The following ITGA8 variants were observed in gnomAD, a reference collection of about 807,000 sequenced individuals.
ITGA8 encodes integrin alpha-8.
In ITGA8, 91 loss-of-function variants were observed where a neutral mutation model predicts 142.3. The observed-to-expected ratio is 0.64, with a 90% CI of 0.54 to 0.76. The LOEUF (loss-of-function observed/expected upper bound fraction) is 0.76. Among genes scored for constraint, ITGA8 ranks in the 30% least tolerant of loss-of-function variants. The probability of loss-of-function intolerance (pLI) is 0.00; values close to 1 mark genes in which losing one functional copy is unlikely to be tolerated. For synonymous variants in ITGA8, 505 were observed against 485.2 expected, an observed-to-expected ratio of 1.04 and a Z score of -0.54; for missense variants, 1,406 against 1,327.7, an observed-to-expected ratio of 1.06 and a Z score of -0.92.
intron 27 of ITGA8, among the ~76,000 whole-genome samples, chr10:15,544,289 C>A (rs1360244307): frequency 2.6e-5 from 4 of 151,068 alleles, no homozygotes; most frequent in Non-Finnish European, 5.9e-5. Context: ...CATAGTGAGA[C>A]CCTGTCTCTA....
intron 19 of ITGA8, among the ~76,000 whole-genome samples, chr10:15,605,164 C>T (rs747064275): frequency 6.6e-6 from 1 of 152,138 alleles, no homozygotes; most frequent in Non-Finnish European, 1.5e-5. Flanking sequence ...CTTCCCATAA[C>T]AGAATACAGT....
At chr10:15,536,192 T>G (rs1833432925) in intron 27 of ITGA8, among the ~76,000 whole-genome samples, 1 of 152,126 alleles carries the variant, frequency 6.6e-6, no homozygotes, top group Admixed American at 6.5e-5. Context: ...CCGGGCACAG[T>G]AAGATAAGCA....
intron 26 of ITGA8, among the ~76,000 whole-genome samples, chr10:15,550,283 G>T (rs914570971): frequency 2.6e-5 from 4 of 152,094 alleles, no homozygotes; most frequent in African/African-American, 9.7e-5. Context: ...AAATAACCCA[G>T]TCTCGGGTAT....
intron 2 of ITGA8, among the ~76,000 whole-genome samples, chr10:15,691,963 G>C (rs111957957): frequency 6.6e-6 from 1 of 152,082 alleles, no homozygotes; most frequent in Non-Finnish European, 1.5e-5. Flanking sequence ...TTGAGACAGG[G>C]TCTCACTCTG....
intron 25 of ITGA8, among the ~76,000 whole-genome samples, chr10:15,570,525 G>A (rs776893566): frequency 1.3e-5 from 2 of 149,124 alleles, no homozygotes; most frequent in Non-Finnish European, 3.0e-5. Flanking sequence ...CAGGAGAATT[G>A]CTTGAACACA....
At chr10:15,583,088 A>C (rs900441915) in intron 23 of ITGA8, among the ~76,000 whole-genome samples, 8 of 152,228 alleles carry the variant, frequency 5.3e-5, no homozygotes, top group Non-Finnish European at 7.3e-5. Context: ...AAAAGAAACC[A>C]TCATAGCAAA....
chr10:15,635,808 A>T (rs1372649639), intron 13 of ITGA8, among the ~76,000 whole-genome samples: 1 of 152,158 alleles, frequency 6.6e-6, no homozygotes, highest in Non-Finnish European at 1.5e-5. Flanking sequence ...AGTTCAACTG[A>T]ACTTCAAATT....
At chr10:15,640,457 ATTGT>A (rs1338448694) in intron 13 of ITGA8, among the ~76,000 whole-genome samples, 3 of 152,234 alleles carry the variant, frequency 2.0e-5, no homozygotes, top group African/African-American at 7.2e-5. Flanking sequence ...AGTGAAAGAA[ATTGT>A]TTATCTTTTT....
chr10:15,517,028 T>A lies in ITGA8; in HGVS notation c.*130A>T. ...AAGTGCGGTGTAGATGAGGTGATGT[T>A]TCCAGGGTCCCCTCCATTTCCTGGG... is the stretch of plus-strand genomic sequence containing the variant. On this transcript the variant is annotated 3_prime_UTR_variant, in exon 30 of 30. Coordinates refer to ENST00000378076, the MANE Select transcript of ITGA8 (RefSeq NM_003638.3). 3.9e-6 allele frequency: 2 copies of A among 512,968 alleles called. No individual in the cohort carries two copies. The highest frequency in any genetic ancestry group is 6.5e-6 in the Non-Finnish European group (2 of 308,796). 31.8% of individuals were successfully genotyped at this position (512,968 alleles called of 1,614,324 possible).
rs535320558 is a variant in ITGA8, at chr10:15,666,481, TC to T, written c.847+5121del. Among the ~76,000 whole-genome samples, 11 of 152,300 alleles carry T rather than the reference TC, an allele frequency of 7.2e-5. No individual in the cohort carries two copies. The South Asian group carries it at 2.3e-3, about 32-fold the overall frequency. ...ATCTGCAAACAGGGACAATTTGACT[TC>T]CTCTTTTCCTAATTGAATACTCTTT... On this transcript the variant is annotated intron_variant, in intron 8 of 29. Transcript: ENST00000378076.
intron 2 of ITGA8, among the ~76,000 whole-genome samples, chr10:15,692,405 C>G (rs1834953402): frequency 6.6e-6 from 1 of 152,312 alleles, no homozygotes; most frequent in South Asian, 2.1e-4. Flanking sequence ...TTAAGATTTG[C>G]ATTTCAGAGG....
intron 27 of ITGA8, among the ~76,000 whole-genome samples, chr10:15,542,650 A>T (rs1056573577): frequency 6.6e-6 from 1 of 152,202 alleles, no homozygotes. Context: ...TGTTATAGTA[A>T]TCTTTAGTTC....
intron 11 of ITGA8, 63 bp from the exon 12 acceptor site, chr10:15,647,114 T>G: frequency 8.2e-7 from 1 of 1,212,248 alleles, no homozygotes; most frequent in Non-Finnish European, 1.2e-6. Context: ...TTGGGTTATT[T>G]GTAATCAACT....
chr10:15,654,571 G>C (rs1160297605), intron 11 of ITGA8, among the ~76,000 whole-genome samples: 1 of 152,164 alleles, frequency 6.6e-6, no homozygotes, highest in East Asian at 1.9e-4. Flanking sequence ...CAAAAGTATA[G>C]CTAAAGTGCT....
intron 23 of ITGA8, among the ~76,000 whole-genome samples, chr10:15,579,495 A>C (rs1258619901): frequency 6.6e-6 from 1 of 152,066 alleles, no homozygotes; most frequent in Non-Finnish European, 1.5e-5. Flanking sequence ...TTTTAAATTT[A>C]TTTTGGAATT....
chr10:15,592,239 A>G lies in ITGA8; in HGVS notation c.2277T>C (p.Asp759=). The change falls in exon 22 of 30, where the codon GAT becomes GAC. Residue 759 remains aspartate, a synonymous_variant. Transcript: ENST00000378076. ...AAAGGTCTAACCTTCTGATTTGGAG[A>G]TCGAAGTTAATGCTCATGTTTGTTT... ...LEKTNMSINF[D]LQIRSSNKDN... 1 of 1,613,244 alleles carries G rather than the reference A, an allele frequency of 6.2e-7. No homozygotes were observed. The highest frequency in any genetic ancestry group is 8.5e-7 in the Non-Finnish European group (1 of 1,179,282).
intron 8 of ITGA8, 70 bp downstream of exon 8, chr10:15,671,533 A>C: frequency 7.7e-7 from 1 of 1,302,624 alleles, no homozygotes; most frequent in Non-Finnish European, 1.1e-6. Context: ...ATTGATAGAA[A>C]AAACTTTATA....
chr10:15,641,676 G>A (rs1386808254), intron 13 of ITGA8, among the ~76,000 whole-genome samples: 1 of 152,158 alleles, frequency 6.6e-6, no homozygotes, highest in African/African-American at 2.4e-5. Flanking sequence ...CAACCAAGCA[G>A]CATTGACGGG....
At chr10:15,682,040 C>T (rs1379707576) in intron 4 of ITGA8, among the ~76,000 whole-genome samples, 2 of 152,138 alleles carry the variant, frequency 1.3e-5, no homozygotes, top group Non-Finnish European at 2.9e-5. Context: ...TTGGTTGTTG[C>T]CTGAGTCCGG....
Sources: allele counts gnomAD v4.1 joint callset (sites outside exome capture counted in the v4.1 genomes callset), GRCh38; gene constraint gnomAD v4.1.1; transcripts MANE v1.5; gene names NCBI Gene and HGNC (gene_info 2026-07-23, HGNC 2026-07-21).